Variants in MSI2 observed in about 807,000 individuals in gnomAD.
MSI2 encodes the protein RNA-binding protein Musashi homolog 2.
Under a neutral mutation model 45.6 loss-of-function variants are expected in MSI2, and 17 were observed. That is an observed-to-expected ratio of 0.37 (90% confidence interval 0.26 to 0.56). The LOEUF is 0.56. Ranked by LOEUF, MSI2 falls within the 20% of genes least tolerant of loss-of-function variation. MSI2 has a pLI of 0.77. For synonymous variants in MSI2, 156 were observed against 158.2 expected (o/e 0.99, Z 0.11); for missense variants, 293 against 444.2 (o/e 0.66, Z 3.06).
At chr17:57,432,477 C>G (rs1252562738) in intron 6 of MSI2, 1 of 152,382 alleles carries the variant, frequency 6.6e-6, no homozygotes, top group Non-Finnish European at 1.5e-5. Flanking sequence ...GGGCTGCCCT[C>G]TCTGGAATCA....
At chr17:57,570,463 G>GT (rs1293859343) in intron 7 of MSI2, among the ~76,000 whole-genome samples, 1 of 152,172 alleles carries the variant, frequency 6.6e-6, no homozygotes, top group African/African-American at 2.4e-5. Context: ...GTTATCCACG[G>GT]TTTTGCAGGG....
At chr17:57,663,237 G>A (rs1912125970) in intron 11 of MSI2, among the ~76,000 whole-genome samples, 1 of 152,166 alleles carries the variant, frequency 6.6e-6, no homozygotes, top group Non-Finnish European at 1.5e-5. Flanking sequence ...AGGGAGGCTG[G>A]GCACCCGGTA....
intron 6 of MSI2, among the ~76,000 whole-genome samples, chr17:57,498,040 A>C (rs182433740): frequency 6.6e-6 from 1 of 152,328 alleles, no homozygotes; most frequent in East Asian, 1.9e-4. Flanking sequence ...TAAATGAGAG[A>C]ACTGATCCTG....
intron 7 of MSI2, among the ~76,000 whole-genome samples, chr17:57,582,157 C>A (rs1414831308): frequency 6.6e-6 from 1 of 152,136 alleles, no homozygotes; most frequent in Non-Finnish European, 1.5e-5. Flanking sequence ...GGTCCCTGTT[C>A]CCACCCTACC....
At chr17:57,326,443 G>A (rs1354802188) in intron 5 of MSI2, among the ~76,000 whole-genome samples, 1 of 152,172 alleles carries the variant, frequency 6.6e-6, no homozygotes, top group Non-Finnish European at 1.5e-5. Context: ...TTTGGCCCCA[G>A]GGCTTGGGAT....
chr17:57,600,192 T>C (rs1365808663), intron 8 of MSI2, among the ~76,000 whole-genome samples: 1 of 152,214 alleles, frequency 6.6e-6, no homozygotes, highest in Non-Finnish European at 1.5e-5. Flanking sequence ...AACAAGAACA[T>C]GGATGATTGT....
At chr17:57,455,376 T>C (rs1355926209) in intron 6 of MSI2, among the ~76,000 whole-genome samples, 1 of 152,172 alleles carries the variant, frequency 6.6e-6, no homozygotes, top group Non-Finnish European at 1.5e-5. Flanking sequence ...TTTGAAGCCA[T>C]TGCTTGTGAA....
chr17:57,587,291 A>C (rs116760440), intron 7 of MSI2, among the ~76,000 whole-genome samples: 2,024 of 152,320 alleles, frequency 0.013, 48 homozygotes, highest in African/African-American at 0.045. Flanking sequence ...TTGCTGGTTC[A>C]TGGTTGGCGC....
intron 10 of MSI2, among the ~76,000 whole-genome samples, chr17:57,644,529 T>C (rs958055551): frequency 4.6e-5 from 7 of 152,142 alleles, no homozygotes; most frequent in Non-Finnish European, 7.4e-5. Context: ...CCAGCCAGGA[T>C]GACAGATGGC....
chr17:57,378,962 T>C (rs2083550256), intron 5 of MSI2, among the ~76,000 whole-genome samples: 1 of 152,156 alleles, frequency 6.6e-6, no homozygotes, highest in African/African-American at 2.4e-5. Context: ...GTTTGTGTTA[T>C]ATGTGAGCCA....
chr17:57,529,786 C>A lies in MSI2; in HGVS notation c.454+62C>A. 7.3e-7 allele frequency: 1 copy of A among 1,373,030 alleles called. No homozygotes were observed. The highest frequency in any genetic ancestry group is 1.0e-6 in the Non-Finnish European group (1 of 981,196). The allele number at this position is 1,373,030 out of a possible 1,614,324, so 85.1% of individuals were successfully genotyped here. A position where few individuals can be genotyped will look rare whatever the true frequency, so the allele number is the denominator to read the frequency against. On this transcript the variant is annotated intron_variant, in intron 7 of 13. Transcript: ENST00000284073. This position sits in a 1 kb window ranked among gnomAD's most constrained non-coding sequence, Gnocchi z 5.3. ...CTCTCCTGGCCTCTCTGTCTGTCATCCCCAGTCCCACTGACAAAAGATACA... is the reference window on the plus strand; with the variant it reads ...CTCTCCTGGCCTCTCTGTCTGTCATACCCAGTCCCACTGACAAAAGATACA...
chr17:57,366,788 G>C (rs181844588), intron 5 of MSI2, among the ~76,000 whole-genome samples: 26 of 152,266 alleles, frequency 1.7e-4, no homozygotes, highest in African/African-American at 5.3e-4. Flanking sequence ...TTGCCATAGC[G>C]TGGGTGGCTT....
At position 57,536,921 on chromosome 17, in the gene MSI2, G is replaced by A. The variant is rs1036777985; in HGVS notation, c.454+7197G>A. 3.3e-5 allele frequency among the ~76,000 whole-genome samples: 5 copies of A among 152,132 alleles called. No individual in the cohort carries two copies. In the East Asian group the frequency reaches 7.7e-4, roughly 23 times the overall value. On this transcript the variant is annotated intron_variant, in intron 7 of 13. Transcript: ENST00000284073. ...ATTGTTGGGTGGCAGAGGGTGGGGCGGTGGGCAACTGTTTAAGAAAGACAT... is the reference window on the plus strand; with the variant it reads ...ATTGTTGGGTGGCAGAGGGTGGGGCAGTGGGCAACTGTTTAAGAAAGACAT...
intron 5 of MSI2, among the ~76,000 whole-genome samples, chr17:57,275,900 G>A (rs937644343): frequency 6.6e-6 from 1 of 152,194 alleles, no homozygotes; most frequent in African/African-American, 2.4e-5. Context: ...GTTTGAGTTT[G>A]GAGTGGAGGG....
intron 7 of MSI2, among the ~76,000 whole-genome samples, chr17:57,584,506 C>T (rs1429278767): frequency 6.6e-6 from 1 of 152,166 alleles, no homozygotes; most frequent in Non-Finnish European, 1.5e-5. Flanking sequence ...GAGCAGTGGG[C>T]ACCCAGCCAG....
chr17:57,301,094 A>G (rs1911383045), intron 5 of MSI2, among the ~76,000 whole-genome samples: 1 of 152,206 alleles, frequency 6.6e-6, no homozygotes, highest in Non-Finnish European at 1.5e-5. Flanking sequence ...TTATGTAACA[A>G]AACATCCCAG....
chr17:57,434,693 T>G (rs2084659868), intron 6 of MSI2, among the ~76,000 whole-genome samples: 2 of 152,230 alleles, frequency 1.3e-5, no homozygotes, highest in South Asian at 4.1e-4. Context: ...TCACTTAGGA[T>G]AATGTCCTCT....
chr17:57,457,562 T>G (rs890438820), intron 6 of MSI2, among the ~76,000 whole-genome samples: 1 of 152,118 alleles, frequency 6.6e-6, no homozygotes, highest in Non-Finnish European at 1.5e-5. Flanking sequence ...CCCTATGTCT[T>G]GAAAAATATG....
intron 6 of MSI2, among the ~76,000 whole-genome samples, chr17:57,518,475 A>G (rs1049963175): frequency 2.0e-5 from 3 of 152,178 alleles, no homozygotes; most frequent in African/African-American, 7.2e-5. Flanking sequence ...TGAGGTGGCT[A>G]TTTACAGGCT....
Sources: allele counts gnomAD v4.1 joint callset (sites outside exome capture counted in the v4.1 genomes callset), GRCh38; gene constraint gnomAD v4.1.1; non-coding constraint Gnocchi (gnomAD v3.1); transcripts MANE v1.5; gene names NCBI Gene and HGNC (gene_info 2026-07-23, HGNC 2026-07-21).